AFF2: variants seen among roughly 807,000 people sequenced by gnomAD.
The protein encoded by AFF2 is AF4/FMR2 family member 2.
Under a neutral mutation model 76.9 loss-of-function variants are expected in AFF2, and 14 were observed. The ratio of observed to expected loss-of-function variants is 0.18; its 90% CI spans 0.12 to 0.28. The LOEUF (loss-of-function observed/expected upper bound fraction) is 0.28. Among genes scored for constraint, AFF2 ranks in the 10% least tolerant of loss-of-function variants. The probability of loss-of-function intolerance (pLI) is 1.00; values close to 1 mark genes in which losing one functional copy is unlikely to be tolerated. For synonymous variants in AFF2, 398 were observed against 366.7 expected, an observed-to-expected ratio of 1.09 and a Z score of -0.98; for missense variants, 868 against 1,001.1, an observed-to-expected ratio of 0.87 and a Z score of 1.79.
At chrX:148,511,866 A>G (rs1352212556) in intron 1 of AFF2, among the ~76,000 whole-genome samples, 1 of 112,665 alleles carries the variant, frequency 8.9e-6, no homozygotes, top group Non-Finnish European at 1.9e-5. Context: ...GGTACCTTCA[A>G]TGTACTAAAA....
At chrX:148,517,368 G>A (rs1557233929) in intron 1 of AFF2, among the ~76,000 whole-genome samples, 1 of 111,715 alleles carries the variant, frequency 9.0e-6, no homozygotes, top group African/African-American at 3.3e-5. Flanking sequence ...GATGGAATTG[G>A]TCAAAACCAC....
intron 3 of AFF2, among the ~76,000 whole-genome samples, chrX:148,784,420 G>A (rs1431087475): frequency 8.9e-6 from 1 of 111,948 alleles, no homozygotes; most frequent in African/African-American, 3.2e-5. Flanking sequence ...TTTTGAAGGA[G>A]AGACAAGAGG....
At chrX:148,520,423 A>G (rs1278700421) in intron 1 of AFF2, among the ~76,000 whole-genome samples, 3 of 111,954 alleles carry the variant, frequency 2.7e-5, no homozygotes, top group Non-Finnish European at 5.6e-5. Context: ...GTTGAGTTCA[A>G]TTCTTTGTAG....
chrX:148,690,125 G>T (rs1470302135), intron 3 of AFF2, among the ~76,000 whole-genome samples: 1 of 112,136 alleles, frequency 8.9e-6, no homozygotes, highest in African/African-American at 3.2e-5. Flanking sequence ...AGCAGACCCA[G>T]ACTTTTCAGG....
Position 148,742,055 on chromosome X carries a change from C to T in AFF2, c.1042-67821C>T, listed in dbSNP as rs1224151170. On this transcript the variant is annotated intron_variant, in intron 3 of 20. Transcript: ENST00000370460. ...CCTTCAGAGGGTCTGTGGGTCCTCT[C>T]AGGATTGCTGGTTTGTTCTTGCATT... Among the ~76,000 whole-genome samples, 5 of 111,448 alleles carry T rather than the reference C, an allele frequency of 4.5e-5. No individual in the cohort carries two copies. The Admixed American group carries it at 4.8e-4, about 11-fold the overall frequency.
intron 3 of AFF2, among the ~76,000 whole-genome samples, chrX:148,701,012 A>AGAGAGAGTG (rs782232655): frequency 4.1e-5 from 3 of 73,740 alleles, no homozygotes; most frequent in African/African-American, 1.2e-4. Flanking sequence ...GAGAGAGAGA[A>AGAGAGAGTG]TGTGTGTGTG....
intron 1 of AFF2, among the ~76,000 whole-genome samples, chrX:148,529,240 C>T (rs75024442): frequency 8.9e-6 from 1 of 111,879 alleles, no homozygotes; most frequent in Non-Finnish European, 1.9e-5. Flanking sequence ...CCAGTGCTGG[C>T]TTTGGTAGGT....
chrX:148,676,281 C>T (rs1269030310), intron 3 of AFF2, among the ~76,000 whole-genome samples: 5 of 110,569 alleles, frequency 4.5e-5, no homozygotes, highest in Non-Finnish European at 9.5e-5. Context: ...CTCCTGACCT[C>T]GTGATCCACC....
At chrX:148,942,063 G>A (rs782785855) in intron 9 of AFF2, among the ~76,000 whole-genome samples, 190 of 110,197 alleles carry the variant, frequency 1.7e-3, no homozygotes, top group African/African-American at 6.0e-3. Flanking sequence ...TTAGCACAAC[G>A]AAATAAAATC....
chrX:148,923,258 C>T lies in AFF2; in HGVS notation c.1397+19000C>T, dbSNP rs61583600. Among the ~76,000 whole-genome samples, 506 of 112,014 alleles carry T rather than the reference C, an allele frequency of 4.5e-3. 2 individuals carry two copies. The highest frequency in any genetic ancestry group is 0.016 in the African/African-American group (491 of 30,858). Reference sequence around the variant, plus strand: ...ACAAATTTGAGATGGGAGCAATCTACACTATGATGTATATGTATAGTATGA... The same window carrying T: ...ACAAATTTGAGATGGGAGCAATCTATACTATGATGTATATGTATAGTATGA... On this transcript the variant is annotated intron_variant, in intron 9 of 20. Transcript: ENST00000370460.
At chrX:148,974,527 T>A (rs1361389150) in intron 16 of AFF2, among the ~76,000 whole-genome samples, 1 of 112,313 alleles carries the variant, frequency 8.9e-6, no homozygotes. Flanking sequence ...GCATTAACTG[T>A]TACAAATCTG....
intron 9 of AFF2, among the ~76,000 whole-genome samples, chrX:148,947,524 T>C (rs782733397): frequency 1.3e-3 from 146 of 111,856 alleles, no homozygotes; most frequent in African/African-American, 4.5e-3. Context: ...CTGCATACAC[T>C]ATTTGTTGCA....
intron 3 of AFF2, among the ~76,000 whole-genome samples, chrX:148,762,281 G>A (rs782026532): frequency 1.8e-5 from 2 of 109,482 alleles, no homozygotes; most frequent in South Asian, 7.7e-4. Flanking sequence ...CCACTTATAA[G>A]AGAGAACATA....
At chrX:148,819,766 T>C (rs1557272421) in intron 4 of AFF2, among the ~76,000 whole-genome samples, 1 of 112,108 alleles carries the variant, frequency 8.9e-6, no homozygotes, top group Non-Finnish European at 1.9e-5. Context: ...TTCTCCCATG[T>C]TTTATTCTAA....
chrX:148,677,477 G>A lies in AFF2; in HGVS notation c.1041+14709G>A, dbSNP rs1357090061. Among the ~76,000 whole-genome samples the A allele has an allele frequency of 5.4e-4, 61 of 112,130 alleles. 1 individual carries two copies. In the Admixed American group the frequency reaches 5.8e-3, roughly 11 times the overall value. On this transcript the variant is annotated intron_variant, in intron 3 of 20. Transcript: ENST00000370460. ...AAAATTAATGTCTTACCTCAGAGAG[G>A]TTTGATAGTACTTTAGAGAGCATGG... is the stretch of plus-strand genomic sequence containing the variant.
At chrX:148,858,310 T>C (rs1286096326) in intron 7 of AFF2, among the ~76,000 whole-genome samples, 1 of 111,627 alleles carries the variant, frequency 9.0e-6, no homozygotes, top group African/African-American at 3.2e-5. Context: ...CAATTTTACA[T>C]GGGAGATAAA....
intron 9 of AFF2, among the ~76,000 whole-genome samples, chrX:148,950,118 A>C (rs1382249838): frequency 8.9e-6 from 1 of 112,974 alleles, no homozygotes; most frequent in Admixed American, 9.3e-5. Flanking sequence ...GGTATATTCC[A>C]GACAAGAATG....
rs782175028 is a variant in AFF2 at position 149,000,454 on chromosome X, C to T, written c.*9122C>T. 6.2e-5 allele frequency: 7 copies of T among 112,610 alleles called. No homozygotes were observed. Among genetic ancestry groups the T allele is most frequent in the African/African-American group, 1.6e-4 (5 of 30,927 alleles). 9.3% of individuals were successfully genotyped at this position (112,610 alleles called of 1,213,427 possible). A position where few individuals can be genotyped will look rare whatever the true frequency, so the allele number is the denominator to read the frequency against. ...GTGGCTTTGCATTTCAAATGTGTGG[C>T]GCACAAGCGTTTTGTTGGTGCTTTG... is the stretch of plus-strand genomic sequence containing the variant. On this transcript the variant is annotated 3_prime_UTR_variant, in exon 21 of 21. Transcript: ENST00000370460.
chrX:148,742,725 T>C (rs2055372021), intron 3 of AFF2, among the ~76,000 whole-genome samples: 1 of 111,663 alleles, frequency 9.0e-6, no homozygotes, highest in South Asian at 3.7e-4. Context: ...GTGAGATGAG[T>C]ATTATTTTCC....
Sources: gnomAD v4.1 joint callset for allele counts (sites outside exome capture counted in the v4.1 genomes callset) on GRCh38, gnomAD v4.1.1 for gene constraint, MANE v1.5 for transcripts, NCBI Gene and HGNC (gene_info 2026-07-23, HGNC 2026-07-21) for gene names.